Variants in SMCO2 observed in about 807,000 individuals in gnomAD.
SMCO2 encodes the protein single-pass membrane protein with coiled-coil domains 2, also known as single-pass membrane and coiled-coil domain-containing protein 2.
In SMCO2, 25 loss-of-function variants were observed where a neutral mutation model predicts 29.5. That is an observed-to-expected ratio of 0.85 (90% CI 0.62 to 1.18). SMCO2 has a LOEUF of 1.18. SMCO2 is among the 50% of genes most tolerant of loss of function. The pLI, the probability that SMCO2 is intolerant of heterozygous loss-of-function variation, is 0.00. For synonymous variants in SMCO2, 117 were observed against 123.3 expected, an observed-to-expected ratio of 0.95 and a Z score of 0.34; for missense variants, 348 against 344.5, an observed-to-expected ratio of 1.01 and a Z score of -0.08.
intron 7 of SMCO2, 124 bp downstream of exon 8, chr12:27,495,979 C>A: frequency 9.6e-7 from 1 of 1,036,392 alleles, no homozygotes; most frequent in Middle Eastern, 3.5e-4. Context: ...TGTAAATTAT[C>A]TATGTTCTTT....
the SMCO2 span, among the ~76,000 whole-genome samples, chr12:27,448,276 G>A: frequency 1.3e-5 from 2 of 152,136 alleles, no homozygotes; most frequent in Admixed American, 6.5e-5. Flanking sequence ...GTCAGGATTA[G>A]TGACATAATA....
exon 7 of SMCO2, chr12:27,495,742 G>A (rs1418104235): frequency 5.8e-6 from 9 of 1,539,366 alleles, no homozygotes; most frequent in Non-Finnish European, 6.1e-6. Context: ...TGGAGGCAGA[G>A]GACACTGACT....
chr12:27,464,576 G>C (rs1235893071), upstream of SMCO2, among the ~76,000 whole-genome samples: 2 of 151,838 alleles, frequency 1.3e-5, no homozygotes, highest in African/African-American at 4.8e-5. Context: ...AGTTAGCCGG[G>C]TGTGGTGGCG....
chr12:27,442,139 A>G, the SMCO2 span, among the ~76,000 whole-genome samples: 1 of 152,220 alleles, frequency 6.6e-6, no homozygotes, highest in African/African-American at 2.4e-5. Flanking sequence ...CTAATGATGT[A>G]CCTCAAGGAA....
At chr12:27,433,538 C>CACAT in the SMCO2 span, among the ~76,000 whole-genome samples, 2 of 121,792 alleles carry the variant, frequency 1.6e-5, no homozygotes, top group East Asian at 4.2e-4. Flanking sequence ...CACACACACA[C>CACAT]ACACATATAT....
chr12:27,447,136 C>G, the SMCO2 span, among the ~76,000 whole-genome samples: 3 of 152,104 alleles, frequency 2.0e-5, no homozygotes, highest in African/African-American at 7.2e-5. Flanking sequence ...ATCTCACTGC[C>G]CTCAGTAATA....
intron 4 of SMCO2, among the ~76,000 whole-genome samples, chr12:27,486,801 C>T (rs1035912627): frequency 1.3e-5 from 2 of 152,190 alleles, no homozygotes; most frequent in African/African-American, 4.8e-5. Context: ...TTTGCAGAGA[C>T]CTGTAGACCA....
the SMCO2 span, among the ~76,000 whole-genome samples, chr12:27,430,322 T>C: frequency 0.023 from 3,440 of 152,336 alleles, 139 homozygotes; most frequent in African/African-American, 0.078. Context: ...ATATCACTTT[T>C]TCTTCTCTTA....
chr12:27,472,133 C>T (rs1949545856), intron 2 of SMCO2, among the ~76,000 whole-genome samples: 1 of 152,102 alleles, frequency 6.6e-6, no homozygotes, highest in Admixed American at 6.5e-5. Flanking sequence ...TCTGTATGTG[C>T]TAATATGAAA....
intron 2 of SMCO2, among the ~76,000 whole-genome samples, chr12:27,471,481 T>C (rs561537189): frequency 6.6e-6 from 1 of 152,234 alleles, no homozygotes; most frequent in Admixed American, 6.5e-5. Flanking sequence ...TCCCATAGAC[T>C]TGGAACTACT....
intron 5 of SMCO2, among the ~76,000 whole-genome samples, chr12:27,490,756 C>A (rs771192506): frequency 6.6e-6 from 1 of 151,972 alleles, no homozygotes; most frequent in African/African-American, 2.4e-5. Context: ...ATAGCGAGAC[C>A]CCTATCTCTA....
chr12:27,429,465 A>C, the SMCO2 span, among the ~76,000 whole-genome samples: 3 of 115,082 alleles, frequency 2.6e-5, no homozygotes, highest in Non-Finnish European at 5.6e-5. Context: ...TAGCATTTGA[A>C]GTCATAAAAT....
chr12:27,469,257 C>T (rs1400416012), intron 1 of SMCO2, among the ~76,000 whole-genome samples: 2 of 152,126 alleles, frequency 1.3e-5, no homozygotes, highest in Non-Finnish European at 2.9e-5. Flanking sequence ...AGTGACCTTC[C>T]TGAGGGAAAT....
upstream of SMCO2, among the ~76,000 whole-genome samples, chr12:27,465,616 A>G (rs1949492906): frequency 6.6e-6 from 1 of 152,230 alleles, no homozygotes; most frequent in Non-Finnish European, 1.5e-5. Context: ...CCTACCATGT[A>G]TGCATTCATT....
intron 5 of SMCO2, among the ~76,000 whole-genome samples, chr12:27,491,591 A>G (rs1949735786): frequency 6.6e-6 from 1 of 152,188 alleles, no homozygotes; most frequent in South Asian, 2.1e-4. Flanking sequence ...CCTATAAGCT[A>G]CTTGAGGGTA....
chr12:27,469,164 G>C (rs1047407370), intron 1 of SMCO2, among the ~76,000 whole-genome samples: 4 of 152,180 alleles, frequency 2.6e-5, no homozygotes, highest in African/African-American at 9.7e-5. Flanking sequence ...TTCAGAGCTT[G>C]GAATTGCCTT....
chr12:27,426,190 T>G, the SMCO2 span, among the ~76,000 whole-genome samples: 3 of 152,254 alleles, frequency 2.0e-5, no homozygotes, highest in South Asian at 6.2e-4. Flanking sequence ...TTTAAGAGAT[T>G]TGTATTACAG....
At chr12:27,448,373 G>GT in the SMCO2 span, among the ~76,000 whole-genome samples, 1 of 152,208 alleles carries the variant, frequency 6.6e-6, no homozygotes, top group East Asian at 1.9e-4. Flanking sequence ...CAAGCGGCAA[G>GT]TCTTTACTGA....
the SMCO2 span, among the ~76,000 whole-genome samples, chr12:27,460,871 G>T: frequency 6.6e-6 from 1 of 152,158 alleles, no homozygotes; most frequent in Non-Finnish European, 1.5e-5. Flanking sequence ...CAACAGCCCA[G>T]AAACCATGTC....
Sources: allele counts gnomAD v4.1 joint callset (sites outside exome capture counted in the v4.1 genomes callset), GRCh38; gene constraint gnomAD v4.1.1; transcripts MANE v1.5; gene names NCBI Gene and HGNC (gene_info 2026-07-23, HGNC 2026-07-21).